TNRC6B: variants seen among roughly 807,000 people sequenced by gnomAD.
TNRC6B encodes trinucleotide repeat containing adaptor 6B, also known as trinucleotide repeat-containing gene 6B protein.
TNRC6B carries 52 observed loss-of-function variants against 203.6 expected under a neutral mutation model. That is an observed-to-expected ratio of 0.26 (90% CI 0.20 to 0.32). The LOEUF (loss-of-function observed/expected upper bound fraction) is 0.32. Among genes scored for constraint, TNRC6B ranks in the 10% least tolerant of loss-of-function variants. The pLI, the probability that TNRC6B is intolerant of heterozygous loss-of-function variation, is 1.00. For missense variants in TNRC6B, 1,923 were observed against 2,286.2 expected (o/e 0.84, Z 3.24); for synonymous variants, 838 against 845.7 (o/e 0.99, Z 0.16).
At chr22:40,316,285 C>T (rs1421402959) in intron 21 of TNRC6B, among the ~76,000 whole-genome samples, 2 of 150,710 alleles carry the variant, frequency 1.3e-5, no homozygotes, top group South Asian at 2.1e-4. Context: ...ACCCGGGAGG[C>T]GGAGCTTGCA....
chr22:40,148,333 C>G (rs5995825), intron 3 of TNRC6B, among the ~76,000 whole-genome samples: 34 of 148,636 alleles, frequency 2.3e-4, no homozygotes, highest in Non-Finnish European at 4.5e-4. Flanking sequence ...TGCCAGGCTG[C>G]AGTGCAGTGG....
In TNRC6B at chr22:40,132,967, A is replaced by ATAT. The variant is rs1263879588; in HGVS notation, c.45+7105_45+7106insTAT. 9.0e-4 allele frequency among the ~76,000 whole-genome samples: 60 copies of ATAT among 66,424 alleles called. 1 individual carries two copies. Among genetic ancestry groups the ATAT allele is most frequent in the African/African-American group, 2.7e-3 (51 of 19,088 alleles). 43.6% of individuals were successfully genotyped at this position (66,424 alleles called of 152,430 possible). On this transcript the variant is annotated intron_variant, in intron 3 of 23. Coordinates refer to the TNRC6B transcript ENST00000301923. Reference sequence around the variant, plus strand: ...TCAAAAAAAAAAAAAAAAAAAAAAAAAAATATATATATATATATATATATT... The same window carrying ATAT: ...TCAAAAAAAAAAAAAAAAAAAAAAAATATAAATATATATATATATATATATATT...
At chr22:40,220,048 T>A (rs1481430902) in intron 1 of TNRC6B, among the ~76,000 whole-genome samples, 2 of 152,174 alleles carry the variant, frequency 1.3e-5, no homozygotes, top group African/African-American at 4.8e-5. Flanking sequence ...ACTTAGATAT[T>A]TTATTAGCAA....
In TNRC6B at chr22:40,130,910, C is replaced by CT. The variant is rs1055295941; in HGVS notation, c.45+5057dup. On this transcript the variant is annotated intron_variant, in intron 3 of 23. Transcript: ENST00000301923. Reference sequence around the variant, plus strand: ...GGATGGGCAGGGTTGGTATAGAAGTCTTTTTTTTTGAGACAGAGTCTCGCT... The same window carrying CT: ...GGATGGGCAGGGTTGGTATAGAAGTCTTTTTTTTTTGAGACAGAGTCTCGCT... Among the ~76,000 whole-genome samples the CT allele has an allele frequency of 2.2e-3, 319 of 147,246 alleles. 3 individuals carry two copies. The Middle Eastern group carries it at 0.024, about 11-fold the overall frequency.
intron 10 of TNRC6B, among the ~76,000 whole-genome samples, chr22:40,280,731 A>G (rs570640232): frequency 1.8e-4 from 27 of 152,362 alleles, no homozygotes; most frequent in Non-Finnish European, 3.1e-4. Context: ...CAAAATTTTT[A>G]AATCTGGCAC....
intron 1 of TNRC6B, among the ~76,000 whole-genome samples, chr22:40,104,234 G>A (rs1304008149): frequency 6.6e-6 from 1 of 151,908 alleles, no homozygotes; most frequent in Non-Finnish European, 1.5e-5. Flanking sequence ...CTGGACAACA[G>A]AGCAAGACTC....
At chr22:40,060,918 G>C (rs922005772) in intron 1 of TNRC6B, among the ~76,000 whole-genome samples, 2 of 152,132 alleles carry the variant, frequency 1.3e-5, no homozygotes, top group Non-Finnish European at 2.9e-5. Flanking sequence ...CAGGTGTTCT[G>C]CATGAACCGC....
At chr22:40,264,578 G>A in intron 4 of TNRC6B, 110 bp from the exon 5 acceptor site, 1 of 1,202,626 alleles carries the variant, frequency 8.3e-7, no homozygotes, top group South Asian at 1.9e-5. Context: ...AGAGAAACTG[G>A]CATGTGATCA....
chr22:40,315,227 G>T (rs2071242296), intron 19 of TNRC6B, 56 bp from the exon 20 acceptor site: 1 of 1,415,230 alleles, frequency 7.1e-7, no homozygotes, highest in Non-Finnish European at 9.9e-7. Context: ...ATGTGTATTT[G>T]TCAACAAAAG....
intron 1 of TNRC6B, among the ~76,000 whole-genome samples, chr22:40,083,821 C>G (rs913883528): frequency 2.6e-5 from 4 of 151,956 alleles, no homozygotes; most frequent in African/African-American, 9.7e-5. Context: ...GATAGCAGAT[C>G]GTTGTATTAT....
intron 1 of TNRC6B, among the ~76,000 whole-genome samples, chr22:40,115,804 A>G (rs1568988143): frequency 2.0e-5 from 3 of 152,202 alleles, no homozygotes; most frequent in South Asian, 2.1e-4. Flanking sequence ...CTGTGCAGTC[A>G]TGAAGTGATA....
At chr22:40,277,248 A>G (rs1440167553) in intron 8 of TNRC6B, 97 bp downstream of exon 8, 1 of 835,500 alleles carries the variant, frequency 1.2e-6, no homozygotes, top group East Asian at 2.9e-5. Context: ...GTACAAAATT[A>G]AAGATTTAAA....
intron 12 of TNRC6B, 81 bp from the exon 13 acceptor site, chr22:40,300,374 T>A: frequency 1.5e-6 from 2 of 1,353,008 alleles, no homozygotes; most frequent in Non-Finnish European, 1.9e-6. Flanking sequence ...TCATCAAGAT[T>A]CTTTTCACAG....
At chr22:40,163,270 T>C (rs1021383720) in intron 4 of TNRC6B, among the ~76,000 whole-genome samples, 1 of 150,144 alleles carries the variant, frequency 6.7e-6, no homozygotes, top group Non-Finnish European at 1.5e-5. Flanking sequence ...AAAAATTAGC[T>C]GAGCGTGTTG....
intron 1 of TNRC6B, among the ~76,000 whole-genome samples, chr22:40,069,005 A>G (rs898779411): frequency 5.3e-5 from 8 of 152,142 alleles, no homozygotes; most frequent in Non-Finnish European, 5.9e-5. Flanking sequence ...TTATGACCAC[A>G]TATTTTTCAT....
At position 40,310,743 on chromosome 22, in the gene TNRC6B, C is replaced by G. The variant is rs1304795129; in HGVS notation, c.4259-74C>G. ...TCAGCTTCAGAAGACTGTTTGCATT[C>G]CAGCGAATAAAAAATAGACAAGTTC... On this transcript the variant is annotated intron_variant, in intron 16 of 22. Coordinates refer to ENST00000454349, the MANE Select transcript of TNRC6B (RefSeq NM_001162501.2). 1.6e-5 allele frequency: 23 copies of G among 1,428,226 alleles called. No homozygotes were observed. The East Asian group carries it at 4.9e-4, about 30-fold the overall frequency. The allele number at this position is 1,428,226 out of a possible 1,614,324, so 88.5% of individuals were successfully genotyped here.
intron 16 of TNRC6B, 47 bp from the exon 17 acceptor site, chr22:40,310,770 A>AT: frequency 1.3e-6 from 2 of 1,553,516 alleles, no homozygotes; most frequent in Non-Finnish European, 1.7e-6. Context: ...GACAAGTTCT[A>AT]TTCATAGGAG....
chr22:40,285,918 A>T (rs946699267), intron 12 of TNRC6B, 148 bp downstream of exon 12: 174 of 1,050,584 alleles, frequency 1.7e-4, no homozygotes, highest in Non-Finnish European at 2.3e-4. Flanking sequence ...TTTGGCTAAG[A>T]TCAAGTAGAG....
chr22:40,120,838 AG>A (rs1415874128), intron 2 of TNRC6B, among the ~76,000 whole-genome samples: 2 of 152,200 alleles, frequency 1.3e-5, no homozygotes, highest in African/African-American at 4.8e-5. Context: ...ACTGAACTGC[AG>A]GACTTAACAG....
Sources: allele counts gnomAD v4.1 joint callset (sites outside exome capture counted in the v4.1 genomes callset), GRCh38; gene constraint gnomAD v4.1.1; transcripts MANE v1.5; gene names NCBI Gene and HGNC (gene_info 2026-07-23, HGNC 2026-07-21).